The following MYSM1 variants were observed in gnomAD, a reference collection of about 807,000 sequenced individuals.
MYSM1 encodes the protein Myb like, SWIRM and MPN domains 1.
A neutral mutation model predicts 116.0 loss-of-function variants in MYSM1; 51 were observed. That is an observed-to-expected ratio of 0.44 (90% CI 0.35 to 0.56). The LOEUF (loss-of-function observed/expected upper bound fraction) is 0.56. MYSM1 is among the 20% of genes least tolerant of loss of function. The pLI is 0.00. For synonymous variants in MYSM1, 313 were observed against 315.2 expected, an observed-to-expected ratio of 0.99 and a Z score of 0.07; for missense variants, 900 against 974.9, an observed-to-expected ratio of 0.92 and a Z score of 1.02.
chr1:58,699,550 C>T, intron 1 of MYSM1: 1 of 842,178 alleles, frequency 1.2e-6, no homozygotes, highest in Non-Finnish European at 1.4e-6. Flanking sequence ...CAACTATCCC[C>T]ATGTGGAAGA....
At chr1:58,685,119 T>C (rs376092138) in intron 7 of MYSM1, 34 bp downstream of exon 7, 43 of 1,485,208 alleles carry the variant, frequency 2.9e-5, no homozygotes, top group Non-Finnish European at 3.8e-5. Context: ...CTAAATATTA[T>C]CATTATTAAC....
intron 12 of MYSM1, among the ~76,000 whole-genome samples, chr1:58,670,807 T>C (rs1180786820): frequency 1.1e-4 from 16 of 152,174 alleles, no homozygotes; most frequent in Admixed American, 4.6e-4. Flanking sequence ...GGCAAGCTTA[T>C]TGAAATGTTA....
intron 14 of MYSM1, 150 bp from the exon 15 acceptor site, chr1:58,668,071 A>T: frequency 1.5e-6 from 1 of 647,436 alleles, no homozygotes; most frequent in South Asian, 1.9e-5. Context: ...AGATGCTAGG[A>T]TCAGTGCACA....
intron 9 of MYSM1, among the ~76,000 whole-genome samples, chr1:58,676,525 A>G (rs772553294): frequency 1.6e-4 from 24 of 152,266 alleles, no homozygotes; most frequent in Middle Eastern, 3.4e-3. Context: ...CTTTTATCAC[A>G]TGTAAGTGTA....
intron 10 of MYSM1, among the ~76,000 whole-genome samples, chr1:58,675,150 GA>G (rs892787493): frequency 6.7e-6 from 1 of 148,872 alleles, no homozygotes; most frequent in Non-Finnish European, 1.5e-5. Context: ...ATCAATGAGA[GA>G]AAAAAAAACT....
chr1:58,677,978 T>A (rs1470086194), intron 8 of MYSM1, among the ~76,000 whole-genome samples: 1 of 152,204 alleles, frequency 6.6e-6, no homozygotes, highest in African/African-American at 2.4e-5. Context: ...ATCATTATTT[T>A]ATTCCATGAA....
Position 58,659,281 on chromosome 1 carries a change from C to T in MYSM1, c.*716G>A, listed in dbSNP as rs1320409953. The T allele has an allele frequency of 1.3e-5, 2 of 152,102 alleles. No individual in the cohort carries two copies. The highest frequency in any genetic ancestry group is 4.8e-5 in the African/African-American group (2 of 41,434). 9.4% of individuals were successfully genotyped at this position (152,102 alleles called of 1,614,324 possible). A position where few individuals can be genotyped will look rare whatever the true frequency, so the allele number is the denominator to read the frequency against. On this transcript the variant is annotated 3_prime_UTR_variant, in exon 20 of 20. Coordinates refer to ENST00000472487, the MANE Select transcript of MYSM1 (RefSeq NM_001085487.3). ...GTTAAATGAGGTTTTATCACACCTA[C>T]TAATGTAAGTGGACTCACAATTGAA...
In MYSM1 at chr1:58,658,984, C is replaced by CACACACACAT. The variant is rs1644354795; in HGVS notation, c.*1012_*1013insATGTGTGTGT. The stretch of plus-strand genomic sequence containing the variant: ...ACACACACACACACACACACACACA[C>CACACACACAT]ACACACACACAAAGAAGAATGTCTC... On this transcript the variant is annotated 3_prime_UTR_variant, in exon 20 of 20. Coordinates refer to ENST00000472487, the MANE Select transcript of MYSM1 (RefSeq NM_001085487.3). 1 of 151,800 alleles carries CACACACACAT rather than the reference C, an allele frequency of 6.6e-6. No individual in the cohort carries two copies. The highest frequency in any genetic ancestry group is 6.6e-5 in the Admixed American group (1 of 15,164). 9.4% of individuals were successfully genotyped at this position (151,800 alleles called of 1,614,324 possible).
rs1370788298 is a variant in MYSM1, at chr1:58,656,090, A to G, written c.*3907T>C. 6.6e-6 allele frequency: 1 copy of G among 152,186 alleles called. No homozygotes were observed. The highest frequency in any genetic ancestry group is 2.4e-5 in the African/African-American group (1 of 41,408). The allele number at this position is 152,186 out of a possible 1,614,324, so 9.4% of individuals were successfully genotyped here. On this transcript the variant is annotated 3_prime_UTR_variant, in exon 20 of 20. Coordinates refer to ENST00000472487, the MANE Select transcript of MYSM1 (RefSeq NM_001085487.3). Reference sequence around the variant, plus strand: ...GGTTCCTCCAGCTCACCTCATCAGGACCCAGGAAGAGAAATGGGAGGAAGG... The same window carrying G: ...GGTTCCTCCAGCTCACCTCATCAGGGCCCAGGAAGAGAAATGGGAGGAAGG...
chr1:58,679,458 T>C (rs945681591), intron 8 of MYSM1, among the ~76,000 whole-genome samples: 40 of 152,232 alleles, frequency 2.6e-4, no homozygotes, highest in African/African-American at 7.7e-4. Flanking sequence ...ATAGTGATCA[T>C]TCATATGGAC....
At chr1:58,694,538 T>C (rs1644946253) in intron 2 of MYSM1, among the ~76,000 whole-genome samples, 4 of 152,142 alleles carry the variant, frequency 2.6e-5, no homozygotes, top group Middle Eastern at 6.8e-3. Context: ...GGAGAATCAC[T>C]TGAATGTGGG....
At chr1:58,679,999 C>CCTGGGAGA (rs367811505) in intron 8 of MYSM1, among the ~76,000 whole-genome samples, 5 of 145,446 alleles carry the variant, frequency 3.4e-5, no homozygotes, top group African/African-American at 5.2e-5. Context: ...GGCACTCCAG[C>CCTGGGAGA]CTGGGAGAAA....
chr1:58,690,288 G>A (rs756308524), intron 4 of MYSM1, 39 bp from the exon 5 acceptor site: 1 of 1,580,694 alleles, frequency 6.3e-7, no homozygotes, highest in Non-Finnish European at 8.6e-7. Context: ...AAGCGTGTGA[G>A]GTTTCTAAAA....
intron 19 of MYSM1, 57 bp from the exon 20 acceptor site, chr1:58,660,212 T>A: frequency 8.6e-7 from 1 of 1,156,846 alleles, no homozygotes; most frequent in Non-Finnish European, 1.2e-6. Flanking sequence ...GGGTTTGCAT[T>A]ACTATCACTA....
intron 16 of MYSM1, among the ~76,000 whole-genome samples, chr1:58,666,235 C>T (rs1052710901): frequency 6.6e-6 from 1 of 152,140 alleles, no homozygotes; most frequent in African/African-American, 2.4e-5. Context: ...ATTGTATTCA[C>T]CACCCTACAT....
chr1:58,678,086 C>A (rs1434123825), intron 8 of MYSM1, among the ~76,000 whole-genome samples: 1 of 151,992 alleles, frequency 6.6e-6, no homozygotes, highest in African/African-American at 2.4e-5. Context: ...AATCAATGAA[C>A]CATATATATT....
chr1:58,698,925 T>C (rs1645022941), intron 1 of MYSM1, among the ~76,000 whole-genome samples: 1 of 152,204 alleles, frequency 6.6e-6, no homozygotes, highest in Non-Finnish European at 1.5e-5. Flanking sequence ...GGGTTAGTAC[T>C]TCTCCCCTGT....
chr1:58,670,095 T>C (rs1365670010), intron 12 of MYSM1, among the ~76,000 whole-genome samples: 2 of 152,180 alleles, frequency 1.3e-5, no homozygotes, highest in Non-Finnish European at 2.9e-5. Flanking sequence ...CATAGATGGT[T>C]AGCTTCAAGA....
At chr1:58,670,057 G>A (rs1644537661) in intron 12 of MYSM1, among the ~76,000 whole-genome samples, 1 of 152,138 alleles carries the variant, frequency 6.6e-6, no homozygotes, top group Non-Finnish European at 1.5e-5. Flanking sequence ...AACTGGAAGA[G>A]AGCAGGGCAA....
Sources: allele counts gnomAD v4.1 joint callset (sites outside exome capture counted in the v4.1 genomes callset), GRCh38; gene constraint gnomAD v4.1.1; transcripts MANE v1.5; gene names NCBI Gene and HGNC (gene_info 2026-07-23, HGNC 2026-07-21).